The following PTH2R variants were observed in gnomAD, a reference collection of about 807,000 sequenced individuals.
PTH2R encodes PTH2 receptor.
In PTH2R, 59 loss-of-function variants were observed where a neutral mutation model predicts 60.3. That is an observed-to-expected ratio of 0.98 (90% CI 0.79 to 1.22). The LOEUF is 1.22. Among genes scored for constraint, PTH2R ranks in the 50% most tolerant of loss-of-function variants. The pLI, the probability that PTH2R is intolerant of heterozygous loss-of-function variation, is 0.00. For missense variants in PTH2R, 749 were observed against 682.6 expected, an observed-to-expected ratio of 1.10 and a Z score of -1.08; for synonymous variants, 256 against 243.8, an observed-to-expected ratio of 1.05 and a Z score of -0.47.
At chr2:208,489,189 G>A in intron 11 of PTH2R, 39 bp downstream of exon 11, 1 of 1,611,194 alleles carries the variant, frequency 6.2e-7, no homozygotes, top group Non-Finnish European at 8.5e-7. Flanking sequence ...CTTGTAATTT[G>A]CAGTTTTTTT....
At chr2:208,383,519 A>G (rs1700952188) in intron 1 of PTH2R, among the ~76,000 whole-genome samples, 1 of 152,232 alleles carries the variant, frequency 6.6e-6, no homozygotes, top group Non-Finnish European at 1.5e-5. Flanking sequence ...AAGCTTCTTG[A>G]AAACTCATGG....
intron 1 of PTH2R, among the ~76,000 whole-genome samples, chr2:208,381,732 GT>G (rs1700918548): frequency 6.6e-6 from 1 of 152,050 alleles, no homozygotes; most frequent in Non-Finnish European, 1.5e-5. Context: ...CCACACCCTT[GT>G]ACAATCAATA....
At chr2:208,403,919 GGA>G (rs1701353776), upstream of PTH2R, among the ~76,000 whole-genome samples, 1 of 152,192 alleles carries the variant, frequency 6.6e-6, no homozygotes, top group African/African-American at 2.4e-5. Flanking sequence ...AAGACTGAAA[GGA>G]AGTCCTAGAG....
intron 1 of PTH2R, among the ~76,000 whole-genome samples, chr2:208,396,851 G>A (rs536913100): frequency 2.0e-5 from 3 of 152,174 alleles, no homozygotes; most frequent in Non-Finnish European, 4.4e-5. Flanking sequence ...AATGACACAT[G>A]CATATGTATG....
chr2:208,366,507 G>A (rs907889307), intron 1 of PTH2R, among the ~76,000 whole-genome samples: 3 of 152,124 alleles, frequency 2.0e-5, no homozygotes, highest in Non-Finnish European at 4.4e-5. Context: ...AGGGAAATTT[G>A]ATTCAGGAGG....
chr2:208,428,382 A>AG (rs1701901121), intron 2 of PTH2R, 79 bp downstream of exon 2: 11 of 958,428 alleles, frequency 1.1e-5, no homozygotes, highest in Non-Finnish European at 1.8e-5. Flanking sequence ...CTCCTTCTTT[A>AG]GTGTTAGGGA....
chr2:208,473,928 G>A (rs1305800358), intron 9 of PTH2R, among the ~76,000 whole-genome samples: 1 of 152,008 alleles, frequency 6.6e-6, no homozygotes, highest in Non-Finnish European at 1.5e-5. Flanking sequence ...ATAGGGTTTT[G>A]GAGCTGGGGG....
chr2:208,486,760 C>G (rs1480825513), intron 10 of PTH2R, among the ~76,000 whole-genome samples: 3 of 152,196 alleles, frequency 2.0e-5, no homozygotes, highest in Admixed American at 2.0e-4. Context: ...GGAGAACAAG[C>G]ACATCCCAGG....
chr2:208,371,221 T>A (rs776085223), intron 1 of PTH2R, among the ~76,000 whole-genome samples: 23 of 152,104 alleles, frequency 1.5e-4, no homozygotes, highest in Non-Finnish European at 2.8e-4. Flanking sequence ...GCATAAAGAT[T>A]ACTTTAAACT....
Position 208,437,194 on chromosome 2 carries a change from A to G in PTH2R, c.179-343A>G, listed in dbSNP as rs143662330. ...AATCTAGTGTAAAAATGTAGTTACAACTTTGGTGGTCAGAAAAACTTTGTC... is the reference window on the plus strand; with the variant it reads ...AATCTAGTGTAAAAATGTAGTTACAGCTTTGGTGGTCAGAAAAACTTTGTC... On this transcript the variant is annotated intron_variant, in intron 2 of 12. Coordinates refer to ENST00000272847, the MANE Select transcript of PTH2R (RefSeq NM_005048.4). 8.5e-5 allele frequency among the ~76,000 whole-genome samples: 13 copies of G among 152,318 alleles called. No individual in the cohort carries two copies. The East Asian group carries it at 2.5e-3, about 29-fold the overall frequency.
At chr2:208,393,148 T>A (rs1277389341) in intron 1 of PTH2R, among the ~76,000 whole-genome samples, 1 of 152,162 alleles carries the variant, frequency 6.6e-6, no homozygotes, top group African/African-American at 2.4e-5. Context: ...CTCCTCCTGA[T>A]CCCTATTGTA....
chr2:208,434,922 G>T (rs1702044911), intron 2 of PTH2R, among the ~76,000 whole-genome samples: 1 of 152,170 alleles, frequency 6.6e-6, no homozygotes, highest in South Asian at 2.1e-4. Context: ...CAGTGGGATG[G>T]GCTCCTGCCT....
intron 8 of PTH2R, among the ~76,000 whole-genome samples, chr2:208,459,534 A>G (rs1702589914): frequency 6.6e-6 from 1 of 152,138 alleles, no homozygotes; most frequent in South Asian, 2.1e-4. Context: ...TTATCAGTGA[A>G]TTTAAATTAT....
intron 10 of PTH2R, among the ~76,000 whole-genome samples, chr2:208,485,127 A>G (rs1466162552): frequency 2.0e-5 from 3 of 152,240 alleles, no homozygotes; most frequent in Admixed American, 6.5e-5. Context: ...ACGGGAATTG[A>G]TCAAGAAAGG....
chr2:208,466,521 C>G (rs1440321252), intron 9 of PTH2R: 1 of 152,260 alleles, frequency 6.6e-6, no homozygotes, highest in Non-Finnish European at 1.5e-5. Context: ...AGCCTGTTAA[C>G]GGTGAAGTTT....
intron 1 of PTH2R, among the ~76,000 whole-genome samples, chr2:208,365,941 TATATATATATATATATATA>T (rs1355698164): frequency 0.068 from 1,273 of 18,664 alleles, 26 homozygotes; most frequent in African/African-American, 0.1. Context: ...TATATATATA[TATATATATATATATATATA>T]TTTTTTTTTT....
chr2:208,476,285 A>G (rs138276096), intron 9 of PTH2R, among the ~76,000 whole-genome samples: 2 of 152,310 alleles, frequency 1.3e-5, no homozygotes, highest in Non-Finnish European at 2.9e-5. Flanking sequence ...AATTTTAAGA[A>G]AAATGGATAA....
intron 1 of PTH2R, among the ~76,000 whole-genome samples, chr2:208,414,085 A>G (rs757097682): frequency 2.0e-5 from 3 of 152,210 alleles, no homozygotes; most frequent in Non-Finnish European, 4.4e-5. Context: ...GGCTCATTGT[A>G]TGAGTGTGAA....
intron 2 of PTH2R, among the ~76,000 whole-genome samples, chr2:208,434,471 G>A (rs1387086524): frequency 6.6e-6 from 1 of 152,168 alleles, no homozygotes; most frequent in Non-Finnish European, 1.5e-5. Context: ...CAGCATGTGT[G>A]AAGCAGTATC....
Sources: gnomAD v4.1 joint callset for allele counts (sites outside exome capture counted in the v4.1 genomes callset) on GRCh38, gnomAD v4.1.1 for gene constraint, MANE v1.5 for transcripts, NCBI Gene and HGNC (gene_info 2026-07-23, HGNC 2026-07-21) for gene names.